The following GPC5 variants were observed in gnomAD, a reference collection of about 807,000 sequenced individuals.
GPC5 encodes the protein glypican-5.
A neutral mutation model predicts 53.9 loss-of-function variants in GPC5; 47 were observed. The ratio of observed to expected loss-of-function variants is 0.87; its 90% CI spans 0.69 to 1.11. The LOEUF is 1.11. Ranked by LOEUF, GPC5 falls within the 50% of genes most tolerant of loss-of-function variation. The pLI is 0.00. For missense variants in GPC5, 748 were observed against 713.1 expected, an observed-to-expected ratio of 1.05 and a Z score of -0.56; for synonymous variants, 286 against 263.3, an observed-to-expected ratio of 1.09 and a Z score of -0.84.
chr13:91,511,887 A>G (rs1885248919), intron 2 of GPC5, among the ~76,000 whole-genome samples: 1 of 151,954 alleles, frequency 6.6e-6, no homozygotes, highest in South Asian at 2.1e-4. Context: ...TTTTTTTGTC[A>G]TGTCTCATAA....
chr13:92,762,695 G>A (rs1473970031), intron 7 of GPC5, among the ~76,000 whole-genome samples: 2 of 152,028 alleles, frequency 1.3e-5, no homozygotes, highest in East Asian at 3.9e-4. Flanking sequence ...CTCACGAAAT[G>A]CCTACAATGC....
At chr13:92,623,398 G>C (rs1259671966) in intron 7 of GPC5, among the ~76,000 whole-genome samples, 1 of 152,180 alleles carries the variant, frequency 6.6e-6, no homozygotes, top group African/African-American at 2.4e-5. Context: ...CTGAACAGCT[G>C]TGAGGGCTGT....
At chr13:91,918,183 A>AT (rs1216270677) in intron 6 of GPC5, among the ~76,000 whole-genome samples, 1 of 152,152 alleles carries the variant, frequency 6.6e-6, no homozygotes, top group Non-Finnish European at 1.5e-5. Flanking sequence ...GACACTTTTA[A>AT]TGCCATCAGA....
intron 6 of GPC5, among the ~76,000 whole-genome samples, chr13:92,119,392 T>G (rs2041627449): frequency 9.0e-6 from 1 of 111,278 alleles, no homozygotes; most frequent in Non-Finnish European, 1.8e-5. Context: ...GGATTTTAGT[T>G]TTTTTTTTTT....
At chr13:91,430,656 T>A (rs1309516959) in intron 1 of GPC5, among the ~76,000 whole-genome samples, 1 of 152,206 alleles carries the variant, frequency 6.6e-6, no homozygotes, top group African/African-American at 2.4e-5. Context: ...TCTGTAAAAC[T>A]GTTTAAGCAT....
intron 2 of GPC5, among the ~76,000 whole-genome samples, chr13:91,573,047 C>T (rs999974631): frequency 6.6e-6 from 1 of 152,192 alleles, no homozygotes; most frequent in African/African-American, 2.4e-5. Flanking sequence ...GAACAATGGC[C>T]CCTGTTACTT....
chr13:92,697,501 C>T (rs560666083), intron 7 of GPC5, among the ~76,000 whole-genome samples: 1 of 151,586 alleles, frequency 6.6e-6, no homozygotes, highest in African/African-American at 2.4e-5. Flanking sequence ...TATTTGTCTG[C>T]TCTTAGTGTA....
chr13:92,476,128 T>G (rs1879117547), intron 7 of GPC5, among the ~76,000 whole-genome samples: 1 of 152,136 alleles, frequency 6.6e-6, no homozygotes, highest in Admixed American at 6.5e-5. Context: ...GGGAGAAAAT[T>G]TTTGCAACCT....
At chr13:92,408,985 A>G (rs1201369065) in intron 7 of GPC5, among the ~76,000 whole-genome samples, 1 of 152,080 alleles carries the variant, frequency 6.6e-6, no homozygotes, top group Non-Finnish European at 1.5e-5. Context: ...GAAATTTACT[A>G]TCGAAGGTTT....
intron 2 of GPC5, among the ~76,000 whole-genome samples, chr13:91,567,726 G>C (rs992978754): frequency 6.6e-6 from 1 of 152,178 alleles, no homozygotes; most frequent in Non-Finnish European, 1.5e-5. Context: ...TTGACCTTCA[G>C]CAGGGGTAAC....
At chr13:91,968,682 G>A (rs1193313546) in intron 6 of GPC5, among the ~76,000 whole-genome samples, 6 of 151,936 alleles carry the variant, frequency 3.9e-5, no homozygotes, top group South Asian at 2.1e-4. Context: ...GGCTTGTCTC[G>A]AACTCCTGAC....
intron 7 of GPC5, among the ~76,000 whole-genome samples, chr13:92,531,192 T>C (rs1474649507): frequency 6.6e-6 from 1 of 152,134 alleles, no homozygotes; most frequent in Non-Finnish European, 1.5e-5. Flanking sequence ...GATAAGTTAA[T>C]GTGAGCCATC....
At chr13:91,574,541 A>G (rs2139045121) in intron 2 of GPC5, among the ~76,000 whole-genome samples, 1 of 152,244 alleles carries the variant, frequency 6.6e-6, no homozygotes, top group Admixed American at 6.5e-5. Flanking sequence ...AGGAAAAAAT[A>G]TGAATTAATA....
intron 7 of GPC5, among the ~76,000 whole-genome samples, chr13:92,297,355 C>A (rs2043044167): frequency 6.7e-6 from 1 of 148,658 alleles, no homozygotes; most frequent in South Asian, 2.2e-4. Context: ...CCAATCAGCA[C>A]CCTGTGTTTA....
At chr13:91,824,253 G>A (rs1162532330) in intron 5 of GPC5, among the ~76,000 whole-genome samples, 2 of 151,910 alleles carry the variant, frequency 1.3e-5, no homozygotes, top group African/African-American at 4.8e-5. Flanking sequence ...AATGGATAAA[G>A]AGAAAGACAG....
rs1458200384 is a variant in GPC5 at position 92,385,311 on chromosome 13, TATATATATACATATATACATATATAC to T, written c.1561+240374_1561+240399del. On this transcript the variant is annotated intron_variant, in intron 7 of 7. Transcript: ENST00000377067. ...TATAGTCCTATTCGTAGGCACTTCC[TATATATATACATATATACATATATAC>T]ATATATATACATATATACATATATA... Among the ~76,000 whole-genome samples, 1,117 of 143,440 alleles carry T rather than the reference TATATATATACATATATACATATATAC, an allele frequency of 7.8e-3. 82 individuals are homozygous for T. Among genetic ancestry groups the T allele is most frequent in the East Asian group, 0.02 (101 of 4,950 alleles). The allele number at this position is 143,440 out of a possible 152,430, so 94.1% of individuals were successfully genotyped here.
intron 7 of GPC5, among the ~76,000 whole-genome samples, chr13:92,168,662 T>A (rs573160066): frequency 2.6e-5 from 4 of 152,144 alleles, no homozygotes; most frequent in African/African-American, 9.6e-5. Flanking sequence ...GAATGGTGAT[T>A]ATTAAAAAGT....
chr13:91,630,390 A>T (rs1208473507), intron 2 of GPC5, among the ~76,000 whole-genome samples: 3 of 152,204 alleles, frequency 2.0e-5, no homozygotes, highest in Non-Finnish European at 4.4e-5. Flanking sequence ...CTCAATAAAT[A>T]ATACCGTCTT....
intron 2 of GPC5, among the ~76,000 whole-genome samples, chr13:91,453,049 C>CTGAGTA (rs142321829): frequency 0.63 from 94,777 of 150,600 alleles, 30,273 homozygotes; most frequent in African/African-American, 0.72. Context: ...TTGCTAGAGT[C>CTGAGTA]TAAGTGACAT....
Sources: gnomAD v4.1 joint callset for allele counts (sites outside exome capture counted in the v4.1 genomes callset) on GRCh38, gnomAD v4.1.1 for gene constraint, MANE v1.5 for transcripts, NCBI Gene and HGNC (gene_info 2026-07-23, HGNC 2026-07-21) for gene names.